Variants in MEGF9 observed in about 807,000 individuals in gnomAD.
MEGF9 encodes multiple EGF like domains 9, also known as multiple epidermal growth factor-like domains protein 9.
Under a neutral mutation model 46.8 loss-of-function variants are expected in MEGF9, and 6 were observed. The ratio of observed to expected loss-of-function variants is 0.13; its 90% CI spans 0.07 to 0.25. The LOEUF is 0.25. Ranked by LOEUF, MEGF9 falls within the 10% of genes least tolerant of loss-of-function variation. The pLI is 1.00. For missense variants in MEGF9, 683 were observed against 792.4 expected (o/e 0.86, Z 1.66); for synonymous variants, 302 against 330.7 (o/e 0.91, Z 0.94).
rs2043645001 is a variant in MEGF9, at chr9:120,650,537, A to G, written c.803+8837T>C. Among the ~76,000 whole-genome samples, 3 of 152,246 alleles carry G rather than the reference A, an allele frequency of 2.0e-5. No individual in the cohort carries two copies. In the South Asian group the frequency reaches 6.2e-4, roughly 32 times the overall value. ...GAACTTTGTGTTTGCACACAAAGAC[A>G]TTGCTCAACCCACATCTGGCTCCTG... On this transcript the variant is annotated intron_variant, in intron 2 of 5. Transcript: ENST00000373930.
intron 2 of MEGF9, among the ~76,000 whole-genome samples, chr9:120,631,358 ATGT>A (rs1039104249): frequency 2.3e-4 from 35 of 152,156 alleles, no homozygotes; most frequent in South Asian, 4.1e-4. Flanking sequence ...TGCCAGTACC[ATGT>A]TGTTTTGGTT....
Position 120,604,991 on chromosome 9 carries a change from C to T in MEGF9, c.*199G>A. ...TATACTTTACTTCAAGTCCTAATGA[C>T]AGTGAACGCTTCAGATCTTCATGGG... On this transcript the variant is annotated 3_prime_UTR_variant, in exon 6 of 6. Transcript: ENST00000373930. 1 of 599,834 alleles carries T rather than the reference C, an allele frequency of 1.7e-6. No individual in the cohort carries two copies. Among genetic ancestry groups the T allele is most frequent in the Non-Finnish European group, 2.9e-6 (1 of 343,874 alleles). 37.2% of individuals were successfully genotyped at this position (599,834 alleles called of 1,614,324 possible).
At chr9:120,665,787 A>C (rs2043722306) in intron 1 of MEGF9, among the ~76,000 whole-genome samples, 1 of 152,160 alleles carries the variant, frequency 6.6e-6, no homozygotes, top group Non-Finnish European at 1.5e-5. Flanking sequence ...GAAAGATAGG[A>C]AGTCTAGTTT....
intron 2 of MEGF9, among the ~76,000 whole-genome samples, chr9:120,652,141 AGC>A (rs1564420749): frequency 1.3e-4 from 15 of 117,778 alleles, no homozygotes; most frequent in African/African-American, 4.5e-4. Context: ...CAAACAAACA[AGC>A]ACACACACAC....
chr9:120,700,469 T>A (rs2043898951), intron 1 of MEGF9, among the ~76,000 whole-genome samples: 1 of 152,216 alleles, frequency 6.6e-6, no homozygotes, highest in Non-Finnish European at 1.5e-5. Context: ...ATGGTGGGAC[T>A]ATAATGTTAG....
rs779389167 is a variant in MEGF9, at chr9:120,714,046, G to A, written c.313C>T (p.Leu105Phe). The change falls in exon 1 of 6, where the codon CTT (leucine) becomes TTT (phenylalanine). Residue 105 changes from leucine to phenylalanine, a missense_variant. By Grantham distance (22) the Leu-to-Phe change is conservative. Around this residue, in one of 2 missense-constraint regions of MEGF9, gnomAD observed 370 missense variants for 371.3 expected, o/e 1.00. Coordinates refer to ENST00000373930, the MANE Select transcript of MEGF9 (RefSeq NM_001080497.3). ...GAAGAGGGTCCAGCAGTCGCCCAAA[G>A]AGGGGTGGTCTCCGGGGACTGGGCT... The part of the protein sequence containing the change: ...SPAQSPETTP[L>F]WATAGPSSTT... The A allele has an allele frequency of 1.5e-6, 2 of 1,313,706 alleles. No individual in the cohort carries two copies. The highest frequency in any genetic ancestry group is 2.4e-5 in the South Asian group (1 of 42,020). 81.4% of individuals were successfully genotyped at this position (1,313,706 alleles called of 1,614,324 possible). A position where few individuals can be genotyped will look rare whatever the true frequency, so the allele number is the denominator to read the frequency against.
rs118142940 is a variant in MEGF9 at position 120,670,900 on chromosome 9, C to G, written c.602-11325G>C. On this transcript the variant is annotated intron_variant, in intron 1 of 5. Transcript: ENST00000373930. ...GGTCTCTCACAATTCTCTGTTTAGT[C>G]TCCTGTTCCATTTAACTAGCATTTA... Among the ~76,000 whole-genome samples, 57 of 152,314 alleles carry G rather than the reference C, an allele frequency of 3.7e-4. No homozygotes were observed. In the East Asian group the frequency reaches 0.01, roughly 28 times the overall value.
chr9:120,691,037 A>G (rs912164396), intron 1 of MEGF9, among the ~76,000 whole-genome samples: 4 of 152,156 alleles, frequency 2.6e-5, no homozygotes, highest in Admixed American at 2.0e-4. Flanking sequence ...TCTTTGAGTC[A>G]TAGTTTCTTC....
intron 3 of MEGF9, among the ~76,000 whole-genome samples, chr9:120,616,511 C>G (rs770388526): frequency 2.6e-4 from 39 of 151,794 alleles, no homozygotes; most frequent in Non-Finnish European, 8.8e-5. Flanking sequence ...AACCCCGTCT[C>G]TACTAAAAAT....
chr9:120,700,743 A>G (rs1160706892), intron 1 of MEGF9, among the ~76,000 whole-genome samples: 1 of 152,096 alleles, frequency 6.6e-6, no homozygotes, highest in Non-Finnish European at 1.5e-5. Context: ...AGTGAATAAC[A>G]TCTACACTTT....
chr9:120,700,443 C>T (rs1428316830), intron 1 of MEGF9, among the ~76,000 whole-genome samples: 2 of 152,180 alleles, frequency 1.3e-5, no homozygotes, highest in East Asian at 3.8e-4. Context: ...TTCAATAACT[C>T]ACATAACATC....
At chr9:120,645,156 G>A (rs898610232) in intron 2 of MEGF9, among the ~76,000 whole-genome samples, 1 of 152,218 alleles carries the variant, frequency 6.6e-6, no homozygotes, top group African/African-American at 2.4e-5. Context: ...AAAGAAAGGC[G>A]CTTAAGCCCT....
chr9:120,621,479 G>A (rs1207187545), intron 3 of MEGF9, among the ~76,000 whole-genome samples: 1 of 152,108 alleles, frequency 6.6e-6, no homozygotes, highest in Non-Finnish European at 1.5e-5. Flanking sequence ...TAATTCACAT[G>A]TTGTATTTTT....
intron 2 of MEGF9, among the ~76,000 whole-genome samples, chr9:120,658,048 G>C (rs567552612): frequency 2.0e-5 from 3 of 151,328 alleles, no homozygotes; most frequent in Non-Finnish European, 2.9e-5. Context: ...GCAGTGGCGC[G>C]ATCTCAGCTC....
At chr9:120,659,299 G>A in intron 2 of MEGF9, 75 bp downstream of exon 2, 1 of 1,278,494 alleles carries the variant, frequency 7.8e-7, no homozygotes, top group Non-Finnish European at 1.1e-6. Context: ...AACCAGTATG[G>A]TCCTTGAGAG....
chr9:120,682,451 C>T (rs2043802694), intron 1 of MEGF9, among the ~76,000 whole-genome samples: 1 of 152,146 alleles, frequency 6.6e-6, no homozygotes, highest in Admixed American at 6.5e-5. Context: ...AAGGAAAGGT[C>T]AGTTTAAAAA....
chr9:120,682,583 ACACACACG>A (rs1564427077), intron 1 of MEGF9, among the ~76,000 whole-genome samples: 1 of 151,892 alleles, frequency 6.6e-6, no homozygotes, highest in African/African-American at 2.4e-5. Flanking sequence ...ACACACACAC[ACACACACG>A]CACACACATA....
intron 2 of MEGF9, among the ~76,000 whole-genome samples, chr9:120,649,255 T>A (rs763027093): frequency 6.6e-6 from 1 of 152,244 alleles, no homozygotes; most frequent in African/African-American, 2.4e-5. Flanking sequence ...GAAAGCTGAC[T>A]GTAAATTTTA....
chr9:120,606,583 G>A (rs989931227), intron 5 of MEGF9, among the ~76,000 whole-genome samples: 4 of 152,180 alleles, frequency 2.6e-5, no homozygotes, highest in African/African-American at 9.7e-5. Flanking sequence ...TGGCAGCATA[G>A]TTTGGTGGAA....
Sources: allele counts gnomAD v4.1 joint callset (sites outside exome capture counted in the v4.1 genomes callset), GRCh38; gene constraint gnomAD v4.1.1; regional missense constraint gnomAD v4.1.1; transcripts MANE v1.5; gene names NCBI Gene and HGNC (gene_info 2026-07-23, HGNC 2026-07-21).